Variants in ITGA6 observed in about 807,000 individuals in gnomAD.
ITGA6 encodes integrin subunit alpha 6, also known as integrin alpha-6.
ITGA6 carries 63 observed loss-of-function variants against 133.6 expected under a neutral mutation model. The observed-to-expected ratio is 0.47, with a 90% CI of 0.38 to 0.58. The LOEUF is 0.58. Among genes scored for constraint, ITGA6 ranks in the 20% least tolerant of loss-of-function variants. The pLI, the probability that ITGA6 is intolerant of heterozygous loss-of-function variation, is 0.00. For synonymous variants in ITGA6, 434 were observed against 482.0 expected (o/e 0.90, Z 1.30); for missense variants, 1,068 against 1,309.4 (o/e 0.82, Z 2.85).
In ITGA6 at chr2:172,491,060, GA is replaced by G; in HGVS notation, c.2721del (p.Lys907AsnfsTer3). ...HNSRKKREIT[E>X]KQIDDNRKFS... ...CTCAAGAAAGAAACGGGAAATTACT[GA>G]AAAACAGATAGATGATAACAGAAAA... On this transcript the variant is annotated frameshift_variant, in exon 21 of 26. Transcript: ENST00000684293. LOFTEE classifies it high-confidence loss of function. This position sits in a 1 kb window ranked among gnomAD's most constrained non-coding sequence, Gnocchi z 4.4. 1.3e-6 allele frequency: 2 copies of G among 1,590,114 alleles called. No homozygotes were observed. The highest frequency in any genetic ancestry group is 1.7e-6 in the Non-Finnish European group (2 of 1,158,598).
At chr2:172,469,004 A>C in intron 3 of ITGA6, 121 bp from the exon 4 acceptor site, 1 of 1,069,008 alleles carries the variant, frequency 9.4e-7, no homozygotes, top group Non-Finnish European at 1.4e-6. Flanking sequence ...TCCCAAGATG[A>C]GGACATGCTT....
chr2:172,487,087 A>G lies in ITGA6; in HGVS notation c.1919A>G (p.Tyr640Cys), dbSNP rs368884930. The G allele has an allele frequency of 2.1e-5, 34 of 1,613,230 alleles. No homozygotes were observed. Among genetic ancestry groups the G allele is most frequent in the Non-Finnish European group, 2.7e-5 (32 of 1,179,272 alleles). ...TGTAACAGCAACCTTAAACTAGAAT[A>G]TAAATTTTGCACCCGAGAAGGAAAT... ...NVCNSNLKLE[Y>C]KFCTREGNQD... The change falls in exon 14 of 26, where the codon TAT becomes TGT. Residue 640 changes from tyrosine to cysteine, a missense_variant. This residue lies in a region of ITGA6 where 609 missense variants were observed against 707.2 expected (regional missense o/e 0.86). Coordinates refer to ENST00000684293, the MANE Select transcript of ITGA6 (RefSeq NM_000210.4).
chr2:172,503,937 C>T (rs1687452782), intron 25 of ITGA6, 154 bp from the exon 26 acceptor site: 1 of 501,132 alleles, frequency 2.0e-6, no homozygotes, highest in Admixed American at 4.0e-5. Flanking sequence ...TCTTTCATTT[C>T]AGCCTCTTGG....
intron 11 of ITGA6, 67 bp from the exon 12 acceptor site, chr2:172,484,715 T>A: frequency 7.6e-7 from 1 of 1,321,532 alleles, no homozygotes; most frequent in Non-Finnish European, 1.1e-6. Flanking sequence ...TTAAAAGGAG[T>A]TCAACATGCT....
intron 23 of ITGA6, among the ~76,000 whole-genome samples, chr2:172,493,742 C>T (rs1687015389): frequency 6.6e-6 from 1 of 152,138 alleles, no homozygotes. Context: ...AAGGTATCTC[C>T]CCGTCAGGGT....
intron 1 of ITGA6, among the ~76,000 whole-genome samples, chr2:172,436,678 C>G (rs1479584311): frequency 3.3e-5 from 5 of 152,186 alleles, no homozygotes; most frequent in Non-Finnish European, 1.5e-5. Context: ...TGGTCTGGAC[C>G]TGCCAGAGAA....
chr2:172,441,117 T>A (rs1358297849), intron 1 of ITGA6, among the ~76,000 whole-genome samples: 1 of 152,190 alleles, frequency 6.6e-6, no homozygotes. Context: ...GATTCTTGAG[T>A]TGGTAATGAC....
Position 172,484,784 on chromosome 2 carries a change from A to C in ITGA6, c.1552A>C (p.Ile518Leu), listed in dbSNP as rs2149067160. The C allele has an allele frequency of 6.2e-7, 1 of 1,613,856 alleles. No individual in the cohort carries two copies. Among genetic ancestry groups the C allele is most frequent in the East Asian group, 2.2e-5 (1 of 44,884 alleles). Residue 518 changes from isoleucine to leucine, a missense_variant and splice_region_variant, in exon 12 of 26, where the codon ATT becomes CTT. Ile to Leu is a conservative substitution (Grantham distance 5, BLOSUM62 2). Coordinates refer to ENST00000684293, the MANE Select transcript of ITGA6 (RefSeq NM_000210.4). ...AATATGATTTTAATTTTATCTAGCA[A>C]TTGTGGGCACACTTGAAGCTGAAAA... ...NPAGYNPSIS[I>L]VGTLEAEKER...
intron 1 of ITGA6, among the ~76,000 whole-genome samples, chr2:172,433,381 T>A (rs368489246): frequency 2.6e-5 from 4 of 152,322 alleles, no homozygotes. Flanking sequence ...TTTTCTCCTT[T>A]ACACAGAAGG....
intron 10 of ITGA6, 101 bp from the exon 11 acceptor site, chr2:172,479,889 C>T (rs113060942): frequency 3.8e-6 from 4 of 1,045,072 alleles, no homozygotes; most frequent in Non-Finnish European, 1.5e-6. Context: ...ACATGTTGAT[C>T]ATCAATGGGC....
chr2:172,475,278 A>C (rs377301431), intron 7 of ITGA6, among the ~76,000 whole-genome samples, 156 bp downstream of exon 7: 1 of 152,064 alleles, frequency 6.6e-6, no homozygotes, highest in South Asian at 2.1e-4. Context: ...GACCAGCCTG[A>C]CCAACATGGA....
At chr2:172,438,935 A>C (rs1684431027) in intron 1 of ITGA6, among the ~76,000 whole-genome samples, 1 of 151,998 alleles carries the variant, frequency 6.6e-6, no homozygotes, top group Admixed American at 6.6e-5. Flanking sequence ...AGAAGATGGC[A>C]GCATGTCAAA....
chr2:172,489,731 T>G (rs1686842426), intron 20 of ITGA6, 73 bp downstream of exon 20: 2 of 1,315,750 alleles, frequency 1.5e-6, no homozygotes, highest in Non-Finnish European at 2.2e-6. Context: ...GGAAAATCAT[T>G]ACTGTTCTTA....
At position 172,488,106 on chromosome 2, in the gene ITGA6, G is replaced by C; in HGVS notation, c.2403-20G>C. On this transcript the variant is annotated intron_variant, in intron 18 of 25. Transcript: ENST00000684293. Reference sequence around the variant, plus strand: ...ACCATTTACAATCCTCATTAAAACTGGTGTTTTTTAATTTGACAGAGTTGC... The same window carrying C: ...ACCATTTACAATCCTCATTAAAACTCGTGTTTTTTAATTTGACAGAGTTGC... 6.2e-7 allele frequency: 1 copy of C among 1,609,328 alleles called. No individual in the cohort carries two copies. Among genetic ancestry groups the C allele is most frequent in the Non-Finnish European group, 8.5e-7 (1 of 1,175,702 alleles).
rs762767427 is a variant in ITGA6, at chr2:172,472,678, GCCT to G, written c.776-1372_776-1370del. 321 of 760,334 alleles carry G rather than the reference GCCT, an allele frequency of 4.2e-4. 1 individual carries two copies. The highest frequency in any genetic ancestry group is 6.8e-4 in the Non-Finnish European group (294 of 431,960). The allele number at this position is 760,334 out of a possible 1,614,324, so 47.1% of individuals were successfully genotyped here. A position where few individuals can be genotyped will look rare whatever the true frequency, so the allele number is the denominator to read the frequency against. On this transcript the variant is annotated intron_variant, in intron 5 of 25. Transcript: ENST00000684293. ...GAGCAGCTTGCCGGATGCAGTGGTG[GCCT>G]CCTCATCCAGCGAGAACAGCAGTGG...
In ITGA6 at chr2:172,485,172, A is replaced by G. The variant is rs1248871018; in HGVS notation, c.1762A>G (p.Ile588Val). Residue 588 changes from isoleucine (I) to valine (V), a missense_variant, in exon 13 of 26, where the codon ATC becomes GTC. Coordinates refer to ENST00000684293, the MANE Select transcript of ITGA6 (RefSeq NM_000210.4). ...CATTCCCATAACTGCCTCAGTGGAG[A>G]TCCAAGAGCCAAGCTCTCGTAGGCG... ...RPIPITASVE[I>V]QEPSSRRRVN... The G allele has an allele frequency of 6.2e-7, 1 of 1,613,570 alleles. No individual in the cohort carries two copies. Among genetic ancestry groups the G allele is most frequent in the Admixed American group, 1.7e-5 (1 of 60,018 alleles).
chr2:172,440,730 A>G (rs1259096675), intron 1 of ITGA6, among the ~76,000 whole-genome samples: 1 of 152,242 alleles, frequency 6.6e-6, no homozygotes, highest in Admixed American at 6.5e-5. Context: ...CCTGGCACCA[A>G]CAGCCTTTGA....
intron 1 of ITGA6, among the ~76,000 whole-genome samples, chr2:172,436,937 A>G (rs1684346780): frequency 6.6e-6 from 1 of 152,206 alleles, no homozygotes; most frequent in Admixed American, 6.5e-5. Context: ...GTGATCTGCA[A>G]AAATATAAAG....
At chr2:172,431,547 C>T (rs1215287675) in intron 1 of ITGA6, among the ~76,000 whole-genome samples, 2 of 152,208 alleles carry the variant, frequency 1.3e-5, no homozygotes, top group Admixed American at 1.3e-4. Context: ...TGCCTCCACC[C>T]CATTCCCTTC....
Sources: allele counts gnomAD v4.1 joint callset (sites outside exome capture counted in the v4.1 genomes callset), GRCh38; gene constraint gnomAD v4.1.1; regional missense constraint gnomAD v4.1.1; non-coding constraint Gnocchi (gnomAD v3.1); transcripts MANE v1.5; gene names NCBI Gene and HGNC (gene_info 2026-07-23, HGNC 2026-07-21).